Variants in DDX50 observed in about 807,000 individuals in gnomAD.
DDX50 encodes the protein DExD-box helicase 50, also known as ATP-dependent RNA helicase DDX50.
Under a neutral mutation model 94.8 loss-of-function variants are expected in DDX50, and 56 were observed. The observed-to-expected ratio is 0.59, with a 90% CI of 0.48 to 0.74. The LOEUF (loss-of-function observed/expected upper bound fraction) is 0.74. DDX50 is among the 30% of genes least tolerant of loss of function. The probability of loss-of-function intolerance (pLI) is 0.00; values close to 1 mark genes in which losing one functional copy is unlikely to be tolerated. For synonymous variants in DDX50, 264 were observed against 295.4 expected (o/e 0.89, Z 1.09); for missense variants, 713 against 881.2 (o/e 0.81, Z 2.42).
intron 13 of DDX50, among the ~76,000 whole-genome samples, chr10:68,941,758 G>A (rs1842558981): frequency 6.6e-6 from 1 of 152,070 alleles, no homozygotes; most frequent in Non-Finnish European, 1.5e-5. Context: ...TCCTGCCTCA[G>A]CCTCCTGAGT....
At chr10:68,918,402 G>A (rs192140723) in intron 7 of DDX50, among the ~76,000 whole-genome samples, 124 of 137,364 alleles carry the variant, frequency 9.0e-4, no homozygotes, top group Non-Finnish European at 1.5e-3. Flanking sequence ...CCCAACAACC[G>A]TTAAACAGTT....
rs1157501500 is a variant in DDX50 at position 68,946,438 on chromosome 10, T to C, written c.2022T>C (p.Ser674=). The C allele has an allele frequency of 2.5e-6, 4 of 1,614,150 alleles. No homozygotes were observed. In the African/African-American group the frequency reaches 5.3e-5, roughly 22 times the overall value. ...AATATTATGATGGAAACACATCTTC[T>C]AATTCCAGACAGAGGAGTGGCTGGT... ...IEEYYDGNTS[S]NSRQRSGWSS... Residue 674 remains serine, a synonymous_variant, in exon 15 of 15, where the codon TCT becomes TCC. Coordinates refer to ENST00000373585, the MANE Select transcript of DDX50 (RefSeq NM_024045.2).
chr10:68,911,808 TTTATA>T (rs1392341319), intron 4 of DDX50: 1 of 152,164 alleles, frequency 6.6e-6, no homozygotes, highest in Non-Finnish European at 1.5e-5. Flanking sequence ...ATACTGCTAG[TTTATA>T]TATTATTGGG....
chr10:68,904,660 T>G (rs150177683), intron 1 of DDX50, among the ~76,000 whole-genome samples: 24 of 152,348 alleles, frequency 1.6e-4, no homozygotes, highest in Non-Finnish European at 1.9e-4. Context: ...TTAATCACCT[T>G]GAGATGTTAC....
intron 11 of DDX50, among the ~76,000 whole-genome samples, chr10:68,936,515 AATATAT>A (rs869117307): frequency 0.035 from 1,843 of 53,022 alleles, 102 homozygotes; most frequent in South Asian, 0.043. Flanking sequence ...AAAAAAAAAA[AATATAT>A]ATATATATAT....
intron 7 of DDX50, among the ~76,000 whole-genome samples, chr10:68,915,563 A>G (rs1430259913): frequency 6.6e-6 from 1 of 152,060 alleles, no homozygotes; most frequent in Non-Finnish European, 1.5e-5. Context: ...TAAAAATACA[A>G]AAACTAGCTG....
At chr10:68,917,985 CGCAGT>C (rs1841845382) in intron 7 of DDX50, among the ~76,000 whole-genome samples, 1 of 151,852 alleles carries the variant, frequency 6.6e-6, no homozygotes. Flanking sequence ...AGTGCAGTGG[CGCAGT>C]CTCAGCTCAC....
intron 7 of DDX50, among the ~76,000 whole-genome samples, chr10:68,915,713 TCAA>T (rs1841767506): frequency 7.4e-6 from 1 of 134,452 alleles, no homozygotes; most frequent in Non-Finnish European, 1.6e-5. Context: ...AGACAACATC[TCAA>T]AAAAAAAAAA....
chr10:68,910,845 C>G (rs113249861), intron 3 of DDX50, among the ~76,000 whole-genome samples: 1 of 152,180 alleles, frequency 6.6e-6, no homozygotes, highest in South Asian at 2.1e-4. Context: ...TTACATCATC[C>G]TTTTCAATAT....
chr10:68,934,832 A>G lies in DDX50; in HGVS notation c.1435A>G (p.Thr479Ala). 1 of 1,612,798 alleles carries G rather than the reference A, an allele frequency of 6.2e-7. No individual in the cohort carries two copies. Among genetic ancestry groups the G allele is most frequent in the Non-Finnish European group, 8.5e-7 (1 of 1,179,532 alleles). The change falls in exon 10 of 15, where the codon ACA becomes GCA. Residue 479 changes from threonine (T) to alanine (A), a missense_variant. Physicochemically the swap from Thr to Ala is moderately conservative, Grantham distance 58. Transcript: ENST00000373585. This position sits in a 1 kb window ranked among gnomAD's most constrained non-coding sequence, Gnocchi z 4.0. ...VESYIHRSGR[T>A]GRAGRTGICI... Reference sequence around the variant, plus strand: ...GTCCTATATCCATCGCTCTGGACGCACAGGTAGAGCTGGACGGACAGGGAT... The same window carrying G: ...GTCCTATATCCATCGCTCTGGACGCGCAGGTAGAGCTGGACGGACAGGGAT...
In DDX50 at chr10:68,934,842, C is replaced by T; in HGVS notation, c.1445C>T (p.Ala482Val). Residue 482 changes from alanine to valine, a missense_variant, in exon 10 of 15, where the codon GCT (alanine) becomes GTT (valine). This residue lies in a region of DDX50 where 428 missense variants were observed against 602.3 expected (regional missense o/e 0.71). Coordinates refer to ENST00000373585, the MANE Select transcript of DDX50 (RefSeq NM_024045.2). The surrounding 1 kb of genome is among the most constrained non-coding windows in gnomAD (Gnocchi z 4.0). ...YIHRSGRTGR[A>V]GRTGICICFY... ...CATCGCTCTGGACGCACAGGTAGAG[C>T]TGGACGGACAGGGATTTGTATATGT... 6.2e-7 allele frequency: 1 copy of T among 1,613,020 alleles called. No homozygotes were observed. Among genetic ancestry groups the T allele is most frequent in the Non-Finnish European group, 8.5e-7 (1 of 1,179,578 alleles).
In DDX50 at chr10:68,913,516, A is replaced by G. The variant is rs759592636; in HGVS notation, c.883A>G (p.Met295Val). 6 of 1,613,974 alleles carry G rather than the reference A, an allele frequency of 3.7e-6. No individual in the cohort carries two copies. The highest frequency in any genetic ancestry group is 5.1e-6 in the Non-Finnish European group (6 of 1,180,002). ...RHVVLDEVDQ[M>V]LDLGFAEQVE... ...TGTTGTGCTTGATGAAGTGGATCAG[A>G]TGTTAGATTTAGGTTTCGCTGAACA... Residue 295 changes from methionine (M) to valine (V), a missense_variant, in exon 6 of 15, where the codon ATG becomes GTG. Physicochemically the swap from Met to Val is conservative, Grantham distance 21 (BLOSUM62 1). Around this residue, in one of 2 missense-constraint regions of DDX50, gnomAD observed 428 missense variants for 602.3 expected, o/e 0.71. Transcript: ENST00000373585.
At chr10:68,912,694 C>G (rs1432187757) in intron 4 of DDX50, among the ~76,000 whole-genome samples, 1 of 152,156 alleles carries the variant, frequency 6.6e-6, no homozygotes, top group African/African-American at 2.4e-5. Context: ...TAGATAATTC[C>G]TGTAAAGCAT....
intron 10 of DDX50, among the ~76,000 whole-genome samples, chr10:68,935,729 G>A (rs185908436): frequency 6.6e-6 from 1 of 152,214 alleles, no homozygotes; most frequent in Admixed American, 6.5e-5. Context: ...CAGCTACTAT[G>A]GAGGCTGAGG....
chr10:68,926,367 G>A (rs1842090790), intron 8 of DDX50, among the ~76,000 whole-genome samples: 1 of 150,968 alleles, frequency 6.6e-6, no homozygotes, highest in Non-Finnish European at 1.5e-5. Flanking sequence ...AAGGCTGGGG[G>A]AGAATTCCCC....
intron 6 of DDX50, 97 bp downstream of exon 6, chr10:68,913,673 CGTTCTAACAAAACTAA>C: frequency 8.2e-7 from 1 of 1,218,968 alleles, no homozygotes; most frequent in Non-Finnish European, 1.1e-6. Context: ...GTGTCCCCTG[CGTTCTAACAAAACTAA>C]AATAATTTGG....
chr10:68,901,577 C>T (rs939077308), intron 1 of DDX50, 106 bp downstream of exon 1: 2 of 1,210,482 alleles, frequency 1.7e-6, no homozygotes, highest in East Asian at 5.7e-5. Context: ...CCGGAGCATC[C>T]GAGGGCCTCC....
chr10:68,929,251 C>CCCTTCCTTCCTTCCTT (rs748750747), intron 8 of DDX50, among the ~76,000 whole-genome samples: 1,454 of 117,940 alleles, frequency 0.012, 44 homozygotes, highest in East Asian at 0.073. Flanking sequence ...CCAGCCTGGT[C>CCCTTCCTTCCTTCCTT]CCTTCCTTCC....
intron 2 of DDX50, among the ~76,000 whole-genome samples, chr10:68,908,890 CCCA>C (rs1231315987): frequency 6.6e-6 from 1 of 152,026 alleles, no homozygotes; most frequent in East Asian, 1.9e-4. Flanking sequence ...AAGTAATCCA[CCCA>C]CCTTGGCCTC....
Sources: gnomAD v4.1 joint callset for allele counts (sites outside exome capture counted in the v4.1 genomes callset) on GRCh38, gnomAD v4.1.1 for gene constraint, gnomAD v4.1.1 regional missense constraint, Gnocchi (gnomAD v3.1) non-coding constraint, MANE v1.5 for transcripts, NCBI Gene and HGNC (gene_info 2026-07-23, HGNC 2026-07-21) for gene names.